The following PTCHD1 variants were observed in gnomAD, a reference collection of about 807,000 sequenced individuals.
The protein encoded by PTCHD1 is patched domain-containing protein 1.
A neutral mutation model predicts 34.6 loss-of-function variants in PTCHD1; 3 were observed. The ratio of observed to expected loss-of-function variants is 0.09; its 90% CI spans 0.04 to 0.22. The LOEUF is 0.22. Among genes scored for constraint, PTCHD1 ranks in the 10% least tolerant of loss-of-function variants. PTCHD1 has a pLI of 1.00. For synonymous variants in PTCHD1, 305 were observed against 283.1 expected, an observed-to-expected ratio of 1.08 and a Z score of -0.77; for missense variants, 504 against 685.5, an observed-to-expected ratio of 0.74 and a Z score of 2.96.
intron 1 of PTCHD1, among the ~76,000 whole-genome samples, chrX:23,354,029 G>A (rs1015626018): frequency 1.3e-4 from 15 of 111,589 alleles, no homozygotes; most frequent in Non-Finnish European, 2.8e-4. Flanking sequence ...CCCTCACCAA[G>A]AGATTCTGAT....
upstream of PTCHD1, chrX:23,334,756 CCGCCGCCGT>C (rs1001996456): frequency 7.5e-4 from 104 of 137,917 alleles, no homozygotes; most frequent in East Asian, 1.9e-3. Context: ...GGTCTCGCCG[CCGCCGCCGT>C]CGCCGCCGCC....
In PTCHD1 at chrX:23,344,893, A is replaced by G. The variant is rs751232949; in HGVS notation, c.351+9667A>G. 5.4e-5 allele frequency among the ~76,000 whole-genome samples: 6 copies of G among 111,752 alleles called. 1 individual carries two copies. The highest frequency in any genetic ancestry group is 9.4e-5 in the Non-Finnish European group (5 of 53,146). ...GGGATTCTCCAGTGATTTAGGTGAG[A>G]ACGTTGATCATTCTCCTCTCTTACT... On this transcript the variant is annotated intron_variant, in intron 1 of 2. Coordinates refer to ENST00000379361, the MANE Select transcript of PTCHD1 (RefSeq NM_173495.3).
chrX:23,388,429 C>T (rs190149111), intron 2 of PTCHD1, among the ~76,000 whole-genome samples: 137 of 112,486 alleles, frequency 1.2e-3, no homozygotes, highest in African/African-American at 4.3e-3. Flanking sequence ...TAGGAAACAA[C>T]AGTCAGACCT....
intron 1 of PTCHD1, among the ~76,000 whole-genome samples, chrX:23,368,137 A>C (rs1464800161): frequency 1.8e-5 from 2 of 111,425 alleles, no homozygotes; most frequent in African/African-American, 6.5e-5. Flanking sequence ...AAAAAAAAAA[A>C]AAAACTTTTC....
At chrX:23,384,331 T>G (rs1922634340) in intron 2 of PTCHD1, among the ~76,000 whole-genome samples, 1 of 112,376 alleles carries the variant, frequency 8.9e-6, no homozygotes, top group Admixed American at 9.4e-5. Context: ...TTTGGGATTT[T>G]GAGGTCAGAT....
intron 1 of PTCHD1, among the ~76,000 whole-genome samples, chrX:23,375,895 A>T (rs1922402698): frequency 8.9e-6 from 1 of 112,288 alleles, no homozygotes; most frequent in Admixed American, 9.4e-5. Flanking sequence ...AAAGAAGCTA[A>T]TAATTTACGT....
At chrX:23,387,445 T>C (rs1045853917) in intron 2 of PTCHD1, among the ~76,000 whole-genome samples, 1 of 111,758 alleles carries the variant, frequency 8.9e-6, no homozygotes, top group African/African-American at 3.3e-5. Flanking sequence ...TTTCCCTTCA[T>C]TTGCTCCAAA....
At position 23,382,833 on chromosome X, in the gene PTCHD1, T is replaced by C. The variant is rs749317347; in HGVS notation, c.1012+2582T>C. On this transcript the variant is annotated intron_variant, in intron 2 of 2. Coordinates refer to ENST00000379361, the MANE Select transcript of PTCHD1 (RefSeq NM_173495.3). ...CATGAAAGGAAGCTACATGTTTTAA[T>C]AGCTAAGGCCCATTTACAATAAACA... Among the ~76,000 whole-genome samples the C allele has an allele frequency of 1.2e-4, 13 of 112,680 alleles. No homozygotes were observed. The South Asian group carries it at 4.8e-3, about 41-fold the overall frequency.
At chrX:23,335,267 G>A in intron 1 of PTCHD1, 41 bp downstream of exon 1, 4 of 1,084,587 alleles carry the variant, frequency 3.7e-6, no homozygotes, top group Middle Eastern at 2.5e-4. Flanking sequence ...CCAGCGCCGC[G>A]GCCGCGGTCG....
At chrX:23,342,266 CTATATATATATATATATATATATATA>C (rs1194698667) in intron 1 of PTCHD1, among the ~76,000 whole-genome samples, 1 of 31,263 alleles carries the variant, frequency 3.2e-5, no homozygotes. Flanking sequence ...GTGTTTCTCC[CTATATATATATATATATATATATATA>C]TATATATATA....
intron 1 of PTCHD1, among the ~76,000 whole-genome samples, chrX:23,355,028 T>A (rs748160179): frequency 9.3e-4 from 75 of 80,504 alleles, no homozygotes; most frequent in African/African-American, 3.2e-3. Flanking sequence ...GTAAGGCTTT[T>A]TTGGGGGGAG....
intron 1 of PTCHD1, among the ~76,000 whole-genome samples, chrX:23,342,287 TA>T (rs1569132011): frequency 2.9e-4 from 2 of 6,782 alleles, no homozygotes; most frequent in African/African-American, 1.1e-3. Context: ...TATATATATA[TA>T]TATATATATA....
chrX:23,347,058 T>TG (rs1208855962), intron 1 of PTCHD1, among the ~76,000 whole-genome samples: 16 of 111,984 alleles, frequency 1.4e-4, no homozygotes, highest in African/African-American at 4.5e-4. Flanking sequence ...AGAATGGACT[T>TG]GCCAGAGCAC....
intron 1 of PTCHD1, among the ~76,000 whole-genome samples, chrX:23,353,933 A>G (rs1240367659): frequency 8.9e-6 from 1 of 111,977 alleles, no homozygotes; most frequent in Non-Finnish European, 1.9e-5. Flanking sequence ...CAAAATCAAC[A>G]AGATTTTATG....
Position 23,394,850 on chromosome X carries a change from T to A in PTCHD1, c.*665T>A, listed in dbSNP as rs947569236. The stretch of plus-strand genomic sequence containing the variant: ...GGTGAAGCAGTTTCGTTGTCTAGAA[T>A]GAAATTATCATATTCCGCCATTGGT... On this transcript the variant is annotated 3_prime_UTR_variant, in exon 3 of 3. Coordinates refer to ENST00000379361, the MANE Select transcript of PTCHD1 (RefSeq NM_173495.3). 5 of 113,469 alleles carry A rather than the reference T, an allele frequency of 4.4e-5. No homozygotes were observed. Among genetic ancestry groups the A allele is most frequent in the African/African-American group, 1.6e-4 (5 of 31,097 alleles). 9.4% of individuals were successfully genotyped at this position (113,469 alleles called of 1,213,427 possible).
chrX:23,351,528 G>A (rs1450956226), intron 1 of PTCHD1: 3 of 335,911 alleles, frequency 8.9e-6, no homozygotes, highest in African/African-American at 7.9e-5. Context: ...TTAAAAGTAT[G>A]AAGTCAAAGA....
chrX:23,340,697 C>T (rs1278305166), intron 1 of PTCHD1, among the ~76,000 whole-genome samples: 1 of 112,176 alleles, frequency 8.9e-6, no homozygotes, highest in Non-Finnish European at 1.9e-5. Flanking sequence ...TTAGAAGGCA[C>T]CTTAAAGGTC....
intron 1 of PTCHD1, among the ~76,000 whole-genome samples, chrX:23,338,332 C>T (rs748792384): frequency 8.9e-6 from 1 of 112,349 alleles, no homozygotes; most frequent in Non-Finnish European, 1.9e-5. Context: ...ACAGAAGATC[C>T]ATGATGTTCA....
chrX:23,336,283 G>C (rs1304857237), intron 1 of PTCHD1, among the ~76,000 whole-genome samples: 1 of 111,709 alleles, frequency 9.0e-6, no homozygotes, highest in Non-Finnish European at 1.9e-5. Flanking sequence ...GATGGGGACT[G>C]TGGGGCTTGT....
Sources: gnomAD v4.1 joint callset for allele counts (sites outside exome capture counted in the v4.1 genomes callset) on GRCh38, gnomAD v4.1.1 for gene constraint, MANE v1.5 for transcripts, NCBI Gene and HGNC (gene_info 2026-07-23, HGNC 2026-07-21) for gene names.